REG1A: variants seen among roughly 807,000 people sequenced by gnomAD.
REG1A encodes regenerating family member 1 alpha.
In REG1A, 20 loss-of-function variants were observed where a neutral mutation model predicts 20.7. The observed-to-expected ratio is 0.97, with a 90% CI of 0.68 to 1.41. REG1A has a LOEUF of 1.41. Ranked by LOEUF, REG1A falls within the 40% of genes most tolerant of loss-of-function variation. The pLI, the probability that REG1A is intolerant of heterozygous loss-of-function variation, is 0.00. For missense variants in REG1A, 193 were observed against 201.8 expected, an observed-to-expected ratio of 0.96 and a Z score of 0.26; for synonymous variants, 90 against 71.6, an observed-to-expected ratio of 1.26 and a Z score of -1.30.
At chr2:79,122,612 A>C (rs371151479) in intron 4 of REG1A, among the ~76,000 whole-genome samples, 1 of 152,186 alleles carries the variant, frequency 6.6e-6, no homozygotes, top group Non-Finnish European at 1.5e-5. Context: ...TAAGTGAGAT[A>C]CTTTGGGTCT....
At chr2:79,122,448 A>G (rs1467505502) in intron 4 of REG1A, among the ~76,000 whole-genome samples, 1 of 152,176 alleles carries the variant, frequency 6.6e-6, no homozygotes, top group African/African-American at 2.4e-5. Flanking sequence ...ATAGGAAAGG[A>G]GACTTGTGGT....
intron 4 of REG1A, 79 bp downstream of exon 4, chr2:79,122,204 ACCAG>A (rs1414923735): frequency 2.0e-6 from 3 of 1,475,960 alleles, no homozygotes; most frequent in Admixed American, 2.0e-5. Flanking sequence ...TCTCTTAAGT[ACCAG>A]CTTTTATCGC....
At chr2:79,121,003 GAA>G (rs11339710) in intron 2 of REG1A, 78 bp downstream of exon 2, 99,155 of 677,540 alleles carry the variant, frequency 0.15, 49 homozygotes, top group East Asian at 0.19. Flanking sequence ...GGGTCTACTT[GAA>G]AAAAAAAAAA....
chr2:79,123,011 G>A, intron 5 of REG1A, 59 bp downstream of exon 5: 1 of 1,513,202 alleles, frequency 6.6e-7, no homozygotes, highest in Non-Finnish European at 9.2e-7. Context: ...CTCCAGGGAT[G>A]GAACTGGGAC....
At chr2:79,120,991 A>T (rs1246601681) in intron 2 of REG1A, 66 bp downstream of exon 2, 2 of 1,261,646 alleles carry the variant, frequency 1.6e-6, no homozygotes, top group African/African-American at 3.6e-5. Context: ...CCCCAAGCAT[A>T]CGGGTCTACT....
chr2:79,120,624 C>T, intron 1 of REG1A, 110 bp downstream of exon 1: 2 of 391,560 alleles, frequency 5.1e-6, no homozygotes, highest in Non-Finnish European at 9.1e-6. Flanking sequence ...TGTAATGAAG[C>T]CTCAGTGGGA....
rs1672908691 is a variant in REG1A at position 79,122,927 on chromosome 2, CTG to C, written c.413_414del (p.Val138GlufsTer17). On this transcript the variant is annotated frameshift_variant, in exon 5 of 6. Coordinates refer to ENST00000233735, the MANE Select transcript of REG1A (RefSeq NM_002909.5). LOFTEE classifies it low-confidence loss of function (END_TRUNC). ...GAPSSVNPGYCVSLTSSTGFQ... is the reference protein window; with the variant it reads ...GAPSSVNPGYXVSLTSSTGFQ... ...CCCCAAGCAGTGTTAATCCTGGCTA[CTG>C]TGTGAGCCTGACCTCAAGCACAGGT... The C allele has an allele frequency of 1.2e-6, 2 of 1,613,956 alleles. No individual in the cohort carries two copies. The highest frequency in any genetic ancestry group is 1.3e-5 in the African/African-American group (1 of 75,046).
intron 3 of REG1A, 63 bp downstream of exon 3, chr2:79,121,743 A>AGT: frequency 6.8e-7 from 1 of 1,474,716 alleles, no homozygotes; most frequent in Non-Finnish European, 9.5e-7. Context: ...GCCACTCTCC[A>AGT]GTGTGTTCAG....
intron 4 of REG1A, among the ~76,000 whole-genome samples, chr2:79,122,509 A>G (rs1322875181): frequency 1.3e-5 from 2 of 152,174 alleles, no homozygotes; most frequent in Non-Finnish European, 2.9e-5. Context: ...AGTATACTAA[A>G]TAATATAATA....
Position 79,123,111 on chromosome 2 carries a change from G to T in REG1A, c.434-37G>T, listed in dbSNP as rs200050893. On this transcript the variant is annotated intron_variant, in intron 5 of 5. Coordinates refer to ENST00000233735, the MANE Select transcript of REG1A (RefSeq NM_002909.5). The stretch of plus-strand genomic sequence containing the variant: ...AAAGCCAGGAGGGTCATACTCTTTC[G>T]GGTCTCCCAGTTGTAACTCTTCTCA... The T allele has an allele frequency of 6.7e-5, 105 of 1,555,996 alleles. No homozygotes were observed. In the African/African-American group the frequency reaches 1.3e-3, roughly 19 times the overall value.
In REG1A at chr2:79,120,515, G is replaced by A. The variant is rs1672867410; in HGVS notation, c.-47+1G>A. Reference sequence around the variant, plus strand: ...AAGCCAACTCAGACTCAGCCAACAGGTAAGTGGGCATTACAGGAGAAGGGC... The same window carrying A: ...AAGCCAACTCAGACTCAGCCAACAGATAAGTGGGCATTACAGGAGAAGGGC... On this transcript the variant is annotated splice_donor_variant, in intron 1 of 5. Coordinates refer to ENST00000233735, the MANE Select transcript of REG1A (RefSeq NM_002909.5). LOFTEE classifies it low-confidence loss of function (5UTR_SPLICE). 1 of 213,098 alleles carries A rather than the reference G, an allele frequency of 4.7e-6. No homozygotes were observed. Among genetic ancestry groups the A allele is most frequent in the African/African-American group, 2.3e-5 (1 of 44,030 alleles). The allele number at this position is 213,098 out of a possible 1,614,324, so 13.2% of individuals were successfully genotyped here. A position where few individuals can be genotyped will look rare whatever the true frequency, so the allele number is the denominator to read the frequency against.
At chr2:79,121,050 G>T (rs1369968340) in intron 2 of REG1A, 125 bp downstream of exon 2, 7 of 699,452 alleles carry the variant, frequency 1.0e-5, no homozygotes, top group Non-Finnish European at 1.7e-5. Flanking sequence ...GTTTTGTGGT[G>T]TTTAGTGATC....
rs757147550 is a variant in REG1A at position 79,122,890 on chromosome 2, G to C, written c.371G>C (p.Trp124Ser). The change falls in exon 5 of 6, where the codon TGG becomes TCG. Residue 124 changes from tryptophan to serine, a missense_variant. Trp to Ser is a radical substitution (Grantham distance 177). Transcript: ENST00000233735. ...SSGSLVSYKS[W>S]GIGAPSSVNP... The stretch of plus-strand genomic sequence containing the variant: ...GGGTCCCTGGTCTCCTACAAGTCCT[G>C]GGGCATTGGAGCCCCAAGCAGTGTT... 5 of 1,613,936 alleles carry C rather than the reference G, an allele frequency of 3.1e-6. No individual in the cohort carries two copies. Among genetic ancestry groups the C allele is most frequent in the Non-Finnish European group, 3.4e-6 (4 of 1,180,000 alleles).
At chr2:79,121,836 G>A in intron 3 of REG1A, 152 bp from the exon 4 acceptor site, 1 of 1,343,878 alleles carries the variant, frequency 7.4e-7, no homozygotes, top group Non-Finnish European at 1.1e-6. Context: ...CCATTATTCA[G>A]CACATTCCCA....
chr2:79,121,677 A>C lies in REG1A; in HGVS notation c.180A>C (p.Ala60=). ...FNEDRETWVD[A]DLYCQNMNSG... Reference sequence around the variant, plus strand: ...AAGACCGTGAGACCTGGGTTGATGCAGATGTGAGTGAGGAGAGCAGTGTGG... The same window carrying C: ...AAGACCGTGAGACCTGGGTTGATGCCGATGTGAGTGAGGAGAGCAGTGTGG... The change falls in exon 3 of 6, where the codon GCA becomes GCC. Residue 60 remains alanine, a synonymous_variant. Coordinates refer to ENST00000233735, the MANE Select transcript of REG1A (RefSeq NM_002909.5). The C allele has an allele frequency of 6.2e-7, 1 of 1,613,550 alleles. No homozygotes were observed. Among genetic ancestry groups the C allele is most frequent in the Non-Finnish European group, 8.5e-7 (1 of 1,179,514 alleles).
intron 2 of REG1A, 36 bp from the exon 3 acceptor site, chr2:79,121,526 C>A: frequency 6.4e-7 from 1 of 1,562,060 alleles, no homozygotes; most frequent in Non-Finnish European, 8.8e-7. Context: ...TTTTCCTTAC[C>A]CTGAGAGCCT....
chr2:79,121,511 A>C, intron 2 of REG1A, 51 bp from the exon 3 acceptor site: 1 of 1,474,490 alleles, frequency 6.8e-7, no homozygotes, highest in Non-Finnish European at 9.5e-7. Flanking sequence ...CCTCACCTTC[A>C]AGCCTTTTCC....
chr2:79,121,569 G>T lies in REG1A; in HGVS notation c.72G>T (p.Glu24Asp). 6.2e-7 allele frequency: 1 copy of T among 1,613,976 alleles called. No homozygotes were observed. Among genetic ancestry groups the T allele is most frequent in the Non-Finnish European group, 8.5e-7 (1 of 1,179,872 alleles). ...TTGTCTCTTCTTTTTCAGGCCAAGA[G>T]GCCCAGACAGAGTTGCCCCAGGCCC... ...LMFLSQSQGQ[E>D]AQTELPQARI... Residue 24 changes from glutamate to aspartate, a missense_variant, in exon 3 of 6, where the codon GAG becomes GAT. Transcript: ENST00000233735.
At chr2:79,120,674 C>T in intron 1 of REG1A, 142 bp from the exon 2 acceptor site, 1 of 452,870 alleles carries the variant, frequency 2.2e-6, no homozygotes, top group Non-Finnish European at 3.9e-6. Context: ...GTATAATCCC[C>T]ACTCTCAAGA....
Sources: allele counts gnomAD v4.1 joint callset (sites outside exome capture counted in the v4.1 genomes callset), GRCh38; gene constraint gnomAD v4.1.1; transcripts MANE v1.5; gene names NCBI Gene and HGNC (gene_info 2026-07-23, HGNC 2026-07-21).